DPF3: variants seen among roughly 807,000 people sequenced by gnomAD.
DPF3 encodes double PHD fingers 3.
DPF3 carries 18 observed loss-of-function variants against 56.8 expected under a neutral mutation model. The observed-to-expected ratio is 0.32, with a 90% CI of 0.22 to 0.47. DPF3 has a LOEUF of 0.47. Among genes scored for constraint, DPF3 ranks in the 20% least tolerant of loss-of-function variants. The probability of loss-of-function intolerance (pLI) is 1.00; values close to 1 mark genes in which losing one functional copy is unlikely to be tolerated. For synonymous variants in DPF3, 188 were observed against 180.2 expected (o/e 1.04, Z -0.35); for missense variants, 403 against 488.8 (o/e 0.82, Z 1.65).
intron 1 of DPF3, among the ~76,000 whole-genome samples, chr14:72,887,010 C>T (rs1310495228): frequency 6.6e-6 from 1 of 151,992 alleles, no homozygotes; most frequent in Non-Finnish European, 1.5e-5. Flanking sequence ...TCTGTGGCTG[C>T]CCAAATTAAA....
intron 2 of DPF3, among the ~76,000 whole-genome samples, chr14:72,771,318 T>C (rs1474169717): frequency 6.6e-6 from 1 of 152,198 alleles, no homozygotes; most frequent in Non-Finnish European, 1.5e-5. Context: ...ATTCACATTT[T>C]ACAGATGAGG....
chr14:72,809,427 G>A lies in DPF3; in HGVS notation c.33-37534C>T, dbSNP rs118111542. On this transcript the variant is annotated intron_variant, in intron 1 of 10. Coordinates refer to ENST00000556509, the MANE Select transcript of DPF3 (RefSeq NM_001280542.3). ...AAGGGCATGGGGGTTACCAGAAAGAGTGAGAAGTCGGCAGGTCAGCACGGC... is the reference window on the plus strand; with the variant it reads ...AAGGGCATGGGGGTTACCAGAAAGAATGAGAAGTCGGCAGGTCAGCACGGC... Among the ~76,000 whole-genome samples the A allele has an allele frequency of 1.1e-3, 167 of 152,302 alleles. 7 individuals carry two copies. In the East Asian group the frequency reaches 0.03, roughly 28 times the overall value.
At chr14:72,848,238 A>T (rs985671635) in intron 1 of DPF3, among the ~76,000 whole-genome samples, 1 of 151,878 alleles carries the variant, frequency 6.6e-6, no homozygotes, top group Non-Finnish European at 1.5e-5. Flanking sequence ...ATCTCGGCTC[A>T]CTGCAACCTC....
At chr14:72,879,992 T>C (rs146043461) in intron 1 of DPF3, 12 of 1,447,616 alleles carry the variant, frequency 8.3e-6, no homozygotes, top group Admixed American at 2.5e-5. Flanking sequence ...CCATCAAGAC[T>C]GAGTAGCCTG....
chr14:72,711,887 T>A (rs1257759979), intron 6 of DPF3, among the ~76,000 whole-genome samples: 3 of 151,556 alleles, frequency 2.0e-5, no homozygotes, highest in Non-Finnish European at 4.4e-5. Flanking sequence ...TAGGATGCAT[T>A]AGAGATTATT....
chr14:72,674,256 T>C lies in DPF3; in HGVS notation c.855A>G (p.Ala285=). 1 of 1,612,818 alleles carries C rather than the reference T, an allele frequency of 6.2e-7. No homozygotes were observed. Among genetic ancestry groups the C allele is most frequent in the Non-Finnish European group, 8.5e-7 (1 of 1,179,482 alleles). The change falls in exon 8 of 11, where the codon GCA becomes GCG. Residue 285 remains alanine (A), a synonymous_variant. Transcript: ENST00000556509. Reference sequence around the variant, plus strand: ...CACACTCACCAGAGCGTCCACAGTCTGCGCAGGACACCAGCTCTTCAGGCC... The same window carrying C: ...CACACTCACCAGAGCGTCCACAGTCCGCGCAGGACACCAGCTCTTCAGGCC... ...SGRPEELVSC[A]DCGRSGHPTC...
At chr14:72,620,095 C>T (rs756879754) in intron 9 of DPF3, 111 bp from the exon 10 acceptor site, 9 of 1,104,934 alleles carry the variant, frequency 8.1e-6, no homozygotes, top group Non-Finnish European at 1.1e-5. Context: ...CACTGGATCC[C>T]CTTTCCAGGC....
chr14:72,657,133 C>T (rs544633136), intron 8 of DPF3, among the ~76,000 whole-genome samples: 59 of 152,322 alleles, frequency 3.9e-4, no homozygotes, highest in African/African-American at 1.2e-3. Flanking sequence ...ACATCCTCAA[C>T]ATTCCATAAT....
chr14:72,879,741 G>C, intron 1 of DPF3: 1 of 1,480,464 alleles, frequency 6.8e-7, no homozygotes, highest in Non-Finnish European at 9.0e-7. Context: ...TCTCTGGGCA[G>C]GGACACAGAG....
intron 1 of DPF3, among the ~76,000 whole-genome samples, chr14:72,883,502 T>C (rs771772776): frequency 2.0e-5 from 3 of 151,450 alleles, no homozygotes; most frequent in Non-Finnish European, 4.4e-5. Context: ...AAAAAATATA[T>C]GAGAAAAGAA....
chr14:72,744,080 CAA>C (rs941781348), intron 3 of DPF3, among the ~76,000 whole-genome samples: 1 of 152,194 alleles, frequency 6.6e-6, no homozygotes, highest in Non-Finnish European at 1.5e-5. Context: ...TTGCAAATTC[CAA>C]AGAGTTCTTC....
chr14:72,676,749 G>A (rs768840), intron 7 of DPF3, among the ~76,000 whole-genome samples: 91,518 of 152,066 alleles, frequency 0.6, 30,816 homozygotes, highest in East Asian at 0.96. Flanking sequence ...GCCTTCTGCC[G>A]TGATTGTGAG....
chr14:72,698,497 G>A (rs964436836), intron 6 of DPF3, among the ~76,000 whole-genome samples: 26 of 152,054 alleles, frequency 1.7e-4, no homozygotes, highest in African/African-American at 6.3e-4. Flanking sequence ...TAGGCAACAT[G>A]GTCTCTACAA....
chr14:72,697,222 G>C (rs1285190790), intron 6 of DPF3, among the ~76,000 whole-genome samples: 1 of 152,132 alleles, frequency 6.6e-6, no homozygotes, highest in Non-Finnish European at 1.5e-5. Context: ...ATATTTATTA[G>C]ACACCTAATA....
intron 1 of DPF3, among the ~76,000 whole-genome samples, chr14:72,776,541 A>G (rs1891751388): frequency 6.6e-6 from 1 of 152,134 alleles, no homozygotes; most frequent in African/African-American, 2.4e-5. Context: ...TCAGAATGGG[A>G]AAGATGAGAC....
intron 6 of DPF3, among the ~76,000 whole-genome samples, chr14:72,701,625 T>C (rs1200841491): frequency 2.6e-5 from 4 of 152,182 alleles, no homozygotes; most frequent in Non-Finnish European, 5.9e-5. Context: ...AGCAGAATCC[T>C]TCCTGCCGGG....
intron 8 of DPF3, among the ~76,000 whole-genome samples, chr14:72,640,994 A>C (rs1000105461): frequency 6.6e-6 from 1 of 152,194 alleles, no homozygotes; most frequent in Non-Finnish European, 1.5e-5. Flanking sequence ...AAGAGAGTCC[A>C]CTGAGAAAGC....
chr14:72,656,720 C>A (rs929696421), intron 8 of DPF3, among the ~76,000 whole-genome samples: 1 of 152,308 alleles, frequency 6.6e-6, no homozygotes, highest in African/African-American at 2.4e-5. Context: ...AGATATTTAA[C>A]CTGCTTATCC....
At chr14:72,679,570 A>G (rs971385849) in intron 7 of DPF3, among the ~76,000 whole-genome samples, 2 of 152,066 alleles carry the variant, frequency 1.3e-5, no homozygotes, top group Admixed American at 1.3e-4. Flanking sequence ...CTGGGAAGAG[A>G]TGCGCCTCTC....
Sources: gnomAD v4.1 joint callset for allele counts (sites outside exome capture counted in the v4.1 genomes callset) on GRCh38, gnomAD v4.1.1 for gene constraint, MANE v1.5 for transcripts, NCBI Gene and HGNC (gene_info 2026-07-23, HGNC 2026-07-21) for gene names.